The following PAG1 variants were observed in gnomAD, a reference collection of about 807,000 sequenced individuals.
PAG1 encodes the protein phosphoprotein membrane anchor with glycosphingolipid microdomains 1, also known as phosphoprotein associated with glycosphingolipid-enriched microdomains 1.
In PAG1, 23 loss-of-function variants were observed where a neutral mutation model predicts 31.7. That is an observed-to-expected ratio of 0.73 (90% CI 0.52 to 1.03). The LOEUF (loss-of-function observed/expected upper bound fraction) is 1.03. Among genes scored for constraint, PAG1 ranks in the 50% least tolerant of loss-of-function variants. PAG1 has a pLI of 0.00. For synonymous variants in PAG1, 214 were observed against 210.3 expected (o/e 1.02, Z -0.15); for missense variants, 473 against 540.7 (o/e 0.87, Z 1.24).
At chr8:81,085,523 C>G (rs1167681501) in intron 1 of PAG1, among the ~76,000 whole-genome samples, 2 of 152,180 alleles carry the variant, frequency 1.3e-5, no homozygotes, top group Admixed American at 1.3e-4. Flanking sequence ...CATGCAAGTC[C>G]AAAACAGCCC....
At chr8:80,993,390 C>A in intron 3 of PAG1, 83 bp from the exon 4 acceptor site, 1 of 668,994 alleles carries the variant, frequency 1.5e-6, no homozygotes, top group Admixed American at 3.1e-5. Flanking sequence ...AGGAGCAAGA[C>A]CTTTGCGCAA....
At chr8:81,055,724 G>C (rs1808808793) in intron 2 of PAG1, among the ~76,000 whole-genome samples, 2 of 152,136 alleles carry the variant, frequency 1.3e-5, no homozygotes, top group African/African-American at 4.8e-5. Flanking sequence ...AAGCAATTGT[G>C]AATGGGAGTT....
intron 2 of PAG1, among the ~76,000 whole-genome samples, chr8:81,065,936 G>C (rs1365479742): frequency 1.3e-5 from 2 of 152,092 alleles, no homozygotes; most frequent in Non-Finnish European, 2.9e-5. Context: ...GCTACACAGA[G>C]AGCTGTTACA....
intron 1 of PAG1, among the ~76,000 whole-genome samples, chr8:81,103,307 A>C (rs1282230665): frequency 2.0e-5 from 3 of 152,184 alleles, no homozygotes; most frequent in Non-Finnish European, 1.5e-5. Context: ...TCTCTTAAAC[A>C]TAACACCCCC....
At chr8:81,035,274 G>T (rs568181790) in intron 2 of PAG1, among the ~76,000 whole-genome samples, 14 of 152,272 alleles carry the variant, frequency 9.2e-5, no homozygotes, top group Admixed American at 3.9e-4. Flanking sequence ...AGGATCTTCA[G>T]TCCCAGACGC....
chr8:80,995,171 G>A (rs573570083), intron 3 of PAG1, among the ~76,000 whole-genome samples: 2 of 152,344 alleles, frequency 1.3e-5, no homozygotes, highest in East Asian at 3.9e-4. Flanking sequence ...AAGAAAAAGA[G>A]ACTTTTACCT....
At position 80,973,247 on chromosome 8, in the gene PAG1, T is replaced by C. The variant is rs559362172; in HGVS notation, c.*3297A>G. 119 of 152,304 alleles carry C rather than the reference T, an allele frequency of 7.8e-4. No homozygotes were observed. Among genetic ancestry groups the C allele is most frequent in the African/African-American group, 2.7e-3 (111 of 41,566 alleles). 9.4% of individuals were successfully genotyped at this position (152,304 alleles called of 1,614,324 possible). Reference sequence around the variant, plus strand: ...AGCCAACATTCTTGCAAGAATTACTTTCTTATGGAATTTAAGATTTCCTCA... The same window carrying C: ...AGCCAACATTCTTGCAAGAATTACTCTCTTATGGAATTTAAGATTTCCTCA... On this transcript the variant is annotated 3_prime_UTR_variant, in exon 9 of 9. Transcript: ENST00000220597.
chr8:81,026,228 G>T (rs1808275420), intron 3 of PAG1, among the ~76,000 whole-genome samples: 1 of 151,614 alleles, frequency 6.6e-6, no homozygotes, highest in Non-Finnish European at 1.5e-5. Flanking sequence ...TTCACCTATA[G>T]TCCCAGCTAC....
chr8:80,984,459 G>C (rs1363453671), intron 7 of PAG1, among the ~76,000 whole-genome samples: 1 of 152,064 alleles, frequency 6.6e-6, no homozygotes, highest in African/African-American at 2.4e-5. Context: ...AAAATGTGTG[G>C]GCAAAGTGTC....
intron 1 of PAG1, among the ~76,000 whole-genome samples, chr8:81,074,335 G>C (rs1809143246): frequency 6.6e-6 from 1 of 152,154 alleles, no homozygotes; most frequent in African/African-American, 2.4e-5. Context: ...AGGGAAGAGG[G>C]AGCAGCAAAG....
chr8:81,094,871 G>A (rs927363767), intron 1 of PAG1, among the ~76,000 whole-genome samples: 1 of 152,162 alleles, frequency 6.6e-6, no homozygotes, highest in African/African-American at 2.4e-5. Context: ...GAAGCACATT[G>A]CTTTGCCAGC....
At chr8:80,984,647 G>T in intron 7 of PAG1, 129 bp downstream of exon 7, 1 of 846,096 alleles carries the variant, frequency 1.2e-6, no homozygotes, top group Non-Finnish European at 1.8e-6. Context: ...CAGCTTACAT[G>T]AAAACAGCTC....
At chr8:81,026,308 G>A (rs554000325) in intron 3 of PAG1, among the ~76,000 whole-genome samples, 2 of 151,472 alleles carry the variant, frequency 1.3e-5, no homozygotes, top group East Asian at 1.9e-4. Flanking sequence ...AGATAGCACC[G>A]TTGTACTCTA....
chr8:80,976,196 T>C lies in PAG1; in HGVS notation c.*348A>G, dbSNP rs1807175105. The C allele has an allele frequency of 5.0e-6, 1 of 198,132 alleles. No homozygotes were observed. Among genetic ancestry groups the C allele is most frequent in the Non-Finnish European group, 1.0e-5 (1 of 99,026 alleles). The allele number at this position is 198,132 out of a possible 1,614,324, so 12.3% of individuals were successfully genotyped here. A position where few individuals can be genotyped will look rare whatever the true frequency, so the allele number is the denominator to read the frequency against. Reference sequence around the variant, plus strand: ...ATGGCAGTACTTTAGGCCGGGGGCATTGTGGTCCTTGGTGAGTGCAGCTTT... The same window carrying C: ...ATGGCAGTACTTTAGGCCGGGGGCACTGTGGTCCTTGGTGAGTGCAGCTTT... On this transcript the variant is annotated 3_prime_UTR_variant, in exon 9 of 9. Coordinates refer to ENST00000220597, the MANE Select transcript of PAG1 (RefSeq NM_018440.4).
intron 2 of PAG1, among the ~76,000 whole-genome samples, chr8:81,052,480 G>A (rs1432994579): frequency 2.0e-5 from 3 of 152,048 alleles, no homozygotes; most frequent in Admixed American, 2.0e-4. Flanking sequence ...ACTGATGGTG[G>A]GTGGCATTTT....
At chr8:81,022,746 A>G (rs898918618) in intron 3 of PAG1, among the ~76,000 whole-genome samples, 4 of 152,234 alleles carry the variant, frequency 2.6e-5, no homozygotes, top group African/African-American at 9.6e-5. Context: ...TAAGATTAGT[A>G]TTCATTTGAA....
chr8:81,088,471 T>TGCAAAATGACTATAATACAAATA (rs763180080), intron 1 of PAG1, among the ~76,000 whole-genome samples: 3 of 152,146 alleles, frequency 2.0e-5, no homozygotes, highest in African/African-American at 4.8e-5. Context: ...TAGGACAAAT[T>TGCAAAATGACTATAATACAAATA]GCAAAATGAC....
At chr8:81,029,581 T>G (rs1808344374) in intron 3 of PAG1, among the ~76,000 whole-genome samples, 1 of 152,212 alleles carries the variant, frequency 6.6e-6, no homozygotes, top group Admixed American at 6.5e-5. Flanking sequence ...TTTTCCCTCT[T>G]GTGACATGAA....
At chr8:81,107,856 C>T (rs1809717611) in intron 1 of PAG1, among the ~76,000 whole-genome samples, 1 of 152,206 alleles carries the variant, frequency 6.6e-6, no homozygotes, top group African/African-American at 2.4e-5. Context: ...GTATAACCTC[C>T]CAATGTGCCT....
Sources: gnomAD v4.1 joint callset for allele counts (sites outside exome capture counted in the v4.1 genomes callset) on GRCh38, gnomAD v4.1.1 for gene constraint, MANE v1.5 for transcripts, NCBI Gene and HGNC (gene_info 2026-07-23, HGNC 2026-07-21) for gene names.